Variants in GRM5 observed in about 807,000 individuals in gnomAD.
GRM5 encodes the protein metabotropic glutamate receptor 5.
Under a neutral mutation model 83.1 loss-of-function variants are expected in GRM5, and 19 were observed. The observed-to-expected ratio is 0.23, with a 90% CI of 0.16 to 0.34. The LOEUF is 0.34. Among genes scored for constraint, GRM5 ranks in the 10% least tolerant of loss-of-function variants. The pLI is 1.00. For missense variants in GRM5, 1,160 were observed against 1,588.3 expected, an observed-to-expected ratio of 0.73 and a Z score of 4.58; for synonymous variants, 675 against 633.6, an observed-to-expected ratio of 1.07 and a Z score of -0.98.
intron 3 of GRM5, among the ~76,000 whole-genome samples, chr11:88,845,297 A>G (rs969925731): frequency 4.1e-5 from 6 of 147,862 alleles, no homozygotes; most frequent in African/African-American, 1.5e-4. Flanking sequence ...AATCTAACCC[A>G]CTGAAGGCTC....
At chr11:88,909,930 T>A (rs1945467909) in intron 2 of GRM5, among the ~76,000 whole-genome samples, 1 of 152,074 alleles carries the variant, frequency 6.6e-6, no homozygotes, top group Non-Finnish European at 1.5e-5. Context: ...AAAATACATA[T>A]AATCAACTTT....
At chr11:88,935,420 A>G (rs1397597632) in intron 2 of GRM5, among the ~76,000 whole-genome samples, 2 of 151,934 alleles carry the variant, frequency 1.3e-5, no homozygotes, top group African/African-American at 4.8e-5. Context: ...CCTATTTTGC[A>G]TATAAGGAAA....
chr11:88,969,131 T>C (rs188461758), intron 2 of GRM5, among the ~76,000 whole-genome samples: 72 of 152,154 alleles, frequency 4.7e-4, no homozygotes, highest in African/African-American at 1.7e-3. Context: ...AAGTGGATAA[T>C]ATAAGAATGC....
intron 3 of GRM5, among the ~76,000 whole-genome samples, chr11:88,704,088 A>C (rs990176176): frequency 3.3e-5 from 5 of 152,018 alleles, no homozygotes; most frequent in African/African-American, 1.2e-4. Flanking sequence ...TGGTGCATGC[A>C]TATGGAAGAA....
At chr11:88,915,788 T>C (rs1211310293) in intron 2 of GRM5, among the ~76,000 whole-genome samples, 1 of 152,174 alleles carries the variant, frequency 6.6e-6, no homozygotes, top group African/African-American at 2.4e-5. Context: ...TCTAACTTCA[T>C]ATCTGCCAGT....
chr11:88,847,792 A>G (rs1479376368), intron 3 of GRM5, among the ~76,000 whole-genome samples: 1 of 152,236 alleles, frequency 6.6e-6, no homozygotes, highest in African/African-American at 2.4e-5. Flanking sequence ...GAATTAAATG[A>G]TATGGAAAGA....
At chr11:88,996,589 C>T (rs1379379070) in intron 2 of GRM5, among the ~76,000 whole-genome samples, 2 of 152,162 alleles carry the variant, frequency 1.3e-5, no homozygotes, top group Admixed American at 6.5e-5. Flanking sequence ...GGGGTACTTC[C>T]ATGCCACGCT....
chr11:88,536,860 G>A (rs1942146739), intron 8 of GRM5, among the ~76,000 whole-genome samples: 1 of 152,030 alleles, frequency 6.6e-6, no homozygotes, highest in African/African-American at 2.4e-5. Flanking sequence ...GAGAAACTAT[G>A]GTGTAATATA....
intron 3 of GRM5, among the ~76,000 whole-genome samples, chr11:88,748,462 G>T (rs1267027991): frequency 6.6e-6 from 1 of 152,124 alleles, no homozygotes; most frequent in Non-Finnish European, 1.5e-5. Flanking sequence ...GAGTTCCCAG[G>T]GGGAGGGGTA....
chr11:88,812,600 A>G (rs1943606827), intron 3 of GRM5, among the ~76,000 whole-genome samples: 1 of 152,142 alleles, frequency 6.6e-6, no homozygotes, highest in Non-Finnish European at 1.5e-5. Context: ...AGTGGAAGAG[A>G]CAAAAATATT....
chr11:88,910,472 ACT>A (rs1185554059), intron 2 of GRM5, among the ~76,000 whole-genome samples: 1 of 151,882 alleles, frequency 6.6e-6, no homozygotes, highest in Non-Finnish European at 1.5e-5. Context: ...TCATATGTAA[ACT>A]CTACATTTAA....
intron 2 of GRM5, among the ~76,000 whole-genome samples, chr11:88,929,578 T>A (rs1235064879): frequency 3.9e-5 from 6 of 152,172 alleles, no homozygotes; most frequent in African/African-American, 1.4e-4. Flanking sequence ...TTTGGGTTTC[T>A]TAATGTTCCT....
At chr11:88,543,587 G>A (rs1203208378) in intron 8 of GRM5, among the ~76,000 whole-genome samples, 2 of 112,678 alleles carry the variant, frequency 1.8e-5, no homozygotes, top group African/African-American at 5.5e-5. Flanking sequence ...AATCAGAGAA[G>A]AGGAAAAAAA....
intron 2 of GRM5, among the ~76,000 whole-genome samples, chr11:88,904,186 G>C (rs1210436499): frequency 1.3e-5 from 2 of 152,118 alleles, no homozygotes; most frequent in African/African-American, 2.4e-5. Flanking sequence ...CCTCACAAAA[G>C]AGAAAATTAA....
Position 88,567,811 on chromosome 11 carries a change from G to T in GRM5, c.1872C>A (p.Gly624=). Residue 624 remains glycine (G), a synonymous_variant, in exon 8 of 10, where the codon GGC becomes GGA. Coordinates refer to ENST00000305447, the MANE Select transcript of GRM5 (RefSeq NM_001143831.3). The surrounding 1 kb of genome is among the most constrained non-coding windows in gnomAD (Gnocchi z 7.3). ...SRELCYIILA[G]ICLGYLCTFC... ...AGGTACATAAGTAGCCCAGGCAGAT[G>T]CCAGCAAGGATAATGTAGCAGAGTT... is the stretch of plus-strand genomic sequence containing the variant. 1 of 1,614,044 alleles carries T rather than the reference G, an allele frequency of 6.2e-7. No individual in the cohort carries two copies. Among genetic ancestry groups the T allele is most frequent in the Non-Finnish European group, 8.5e-7 (1 of 1,179,886 alleles).
rs970914860 is a variant in GRM5 at position 88,902,155 on chromosome 11, GT to G, written c.662-52001del. On this transcript the variant is annotated intron_variant, in intron 2 of 9. Coordinates refer to ENST00000305447, the MANE Select transcript of GRM5 (RefSeq NM_001143831.3). The stretch of plus-strand genomic sequence containing the variant: ...CCTAAGGGCAGAGAAAAGTTTTTTT[GT>G]TTTTTTTTTGTTTGTTTGTTTTTTT... 1.3e-4 allele frequency among the ~76,000 whole-genome samples: 19 copies of G among 143,432 alleles called. No individual in the cohort carries two copies. The South Asian group carries it at 1.8e-3, about 14-fold the overall frequency. The allele number at this position is 143,432 out of a possible 152,430, so 94.1% of individuals were successfully genotyped here.
chr11:89,059,712 G>T (rs1349965859), intron 1 of GRM5, among the ~76,000 whole-genome samples: 3 of 151,938 alleles, frequency 2.0e-5, no homozygotes, highest in Non-Finnish European at 4.4e-5. Flanking sequence ...CAAAGGCCTG[G>T]GTAGGATTGA....
intron 3 of GRM5, among the ~76,000 whole-genome samples, chr11:88,699,998 A>T (rs1021167817): frequency 1.3e-5 from 2 of 152,200 alleles, no homozygotes; most frequent in Non-Finnish European, 2.9e-5. Flanking sequence ...CCTGAAAGAT[A>T]ATGGTAACAG....
intron 2 of GRM5, among the ~76,000 whole-genome samples, chr11:89,045,172 G>A (rs1172624832): frequency 6.6e-6 from 1 of 152,056 alleles, no homozygotes. Flanking sequence ...TAAATATTTT[G>A]CCTGAATTTG....
Sources: gnomAD v4.1 joint callset for allele counts (sites outside exome capture counted in the v4.1 genomes callset) on GRCh38, gnomAD v4.1.1 for gene constraint, Gnocchi (gnomAD v3.1) non-coding constraint, MANE v1.5 for transcripts, NCBI Gene and HGNC (gene_info 2026-07-23, HGNC 2026-07-21) for gene names.